MYO1B: variants seen among roughly 807,000 people sequenced by gnomAD.
MYO1B encodes the protein unconventional myosin-Ib.
In MYO1B, 72 loss-of-function variants were observed where a neutral mutation model predicts 159.7. The observed-to-expected ratio is 0.45, with a 90% CI of 0.37 to 0.55. The LOEUF (loss-of-function observed/expected upper bound fraction) is 0.55. MYO1B is among the 20% of genes least tolerant of loss of function. The pLI is 0.00. For missense variants in MYO1B, 1,062 were observed against 1,364.8 expected, an observed-to-expected ratio of 0.78 and a Z score of 3.50; for synonymous variants, 468 against 473.8, an observed-to-expected ratio of 0.99 and a Z score of 0.16.
At chr2:191,333,208 G>A (rs1691605387) in intron 4 of MYO1B, among the ~76,000 whole-genome samples, 1 of 151,978 alleles carries the variant, frequency 6.6e-6, no homozygotes, top group Non-Finnish European at 1.5e-5. Context: ...TTCCAGTAAC[G>A]TTAATGTGTT....
chr2:191,344,430 C>T (rs1382743122), intron 5 of MYO1B, among the ~76,000 whole-genome samples: 1 of 152,184 alleles, frequency 6.6e-6, no homozygotes, highest in African/African-American at 2.4e-5. Context: ...TGCCAGGGAC[C>T]TACCAAACCA....
At chr2:191,292,085 C>T (rs147022338) in intron 2 of MYO1B, among the ~76,000 whole-genome samples, 1 of 152,250 alleles carries the variant, frequency 6.6e-6, no homozygotes, top group Non-Finnish European at 1.5e-5. Context: ...TAGGATGAAC[C>T]TGTTAGGAGT....
chr2:191,313,309 C>T (rs1358964617), intron 3 of MYO1B, among the ~76,000 whole-genome samples: 1 of 143,778 alleles, frequency 7.0e-6, no homozygotes, highest in Non-Finnish European at 1.5e-5. Context: ...CTCCCGGGTT[C>T]CAGGAATTCT....
rs774278583 is a variant in MYO1B at position 191,341,584 on chromosome 2, A to G, written c.451+19A>G. On this transcript the variant is annotated intron_variant, in intron 5 of 30. Transcript: ENST00000392318. ...CTGGAAGGTAGGATGTGTTATGTTCATTAAGTCGGTGTGACTCAAACAGTA... is the reference window on the plus strand; with the variant it reads ...CTGGAAGGTAGGATGTGTTATGTTCGTTAAGTCGGTGTGACTCAAACAGTA... The G allele has an allele frequency of 1.9e-6, 3 of 1,595,056 alleles. No homozygotes were observed. Among genetic ancestry groups the G allele is most frequent in the Non-Finnish European group, 1.7e-6 (2 of 1,163,586 alleles).
chr2:191,336,218 T>A (rs1228722618), intron 4 of MYO1B, among the ~76,000 whole-genome samples: 1 of 152,238 alleles, frequency 6.6e-6, no homozygotes, highest in African/African-American at 2.4e-5. Context: ...TCTTCAGCCA[T>A]CTGCTAGAAG....
chr2:191,317,638 C>T (rs1178513515), intron 3 of MYO1B, among the ~76,000 whole-genome samples: 1 of 152,126 alleles, frequency 6.6e-6, no homozygotes, highest in Non-Finnish European at 1.5e-5. Flanking sequence ...TTCCCTCCAC[C>T]CCACATTTTG....
intron 25 of MYO1B, 58 bp downstream of exon 25, chr2:191,408,247 T>C (rs989366517): frequency 8.2e-7 from 1 of 1,222,988 alleles, no homozygotes; most frequent in South Asian, 1.3e-5. Flanking sequence ...CCACCTAATA[T>C]CACCAACTCC....
intron 3 of MYO1B, among the ~76,000 whole-genome samples, chr2:191,302,887 G>A (rs960058150): frequency 6.6e-6 from 1 of 152,206 alleles, no homozygotes; most frequent in African/African-American, 2.4e-5. Context: ...TAGTGCTAAT[G>A]TCAGTTGTCC....
At chr2:191,293,515 G>T (rs188766873) in intron 2 of MYO1B, among the ~76,000 whole-genome samples, 1 of 152,242 alleles carries the variant, frequency 6.6e-6, no homozygotes, top group Admixed American at 6.5e-5. Flanking sequence ...CCATTTTTAT[G>T]GTTATTTCTT....
chr2:191,304,308 C>T (rs1268529619), intron 3 of MYO1B, among the ~76,000 whole-genome samples: 2 of 152,204 alleles, frequency 1.3e-5, no homozygotes, highest in East Asian at 1.9e-4. Context: ...CGTTGGCTCA[C>T]GCCTGTAATC....
Position 191,391,993 on chromosome 2 carries a change from A to T in MYO1B, c.1983-115A>T, listed in dbSNP as rs1026005337. 3 of 625,640 alleles carry T rather than the reference A, an allele frequency of 4.8e-6. No individual in the cohort carries two copies. The South Asian group carries it at 1.1e-4, about 23-fold the overall frequency. The allele number at this position is 625,640 out of a possible 1,614,324, so 38.8% of individuals were successfully genotyped here. ...TAAATGGATGATTGCTGAAAGAGCA[A>T]TTACACTTGGAAATGAAGCTATGTT... On this transcript the variant is annotated intron_variant, in intron 18 of 30. Transcript: ENST00000392318.
At chr2:191,277,331 G>A (rs113485007) in intron 2 of MYO1B, among the ~76,000 whole-genome samples, 2 of 152,266 alleles carry the variant, frequency 1.3e-5, no homozygotes, top group African/African-American at 4.8e-5. Context: ...GAAATCCATA[G>A]GCATCTTCTT....
intron 30 of MYO1B, among the ~76,000 whole-genome samples, chr2:191,419,364 G>A (rs541679374): frequency 1.8e-3 from 279 of 151,908 alleles, no homozygotes; most frequent in African/African-American, 5.5e-3. Context: ...GACTACAGCT[G>A]CCCGCCACCA....
At chr2:191,386,904 AAAAT>A (rs1367384428) in intron 16 of MYO1B, among the ~76,000 whole-genome samples, 1 of 152,248 alleles carries the variant, frequency 6.6e-6, no homozygotes, top group Non-Finnish European at 1.5e-5. Flanking sequence ...TGAGAACTAA[AAAAT>A]AAAAGTAAAA....
intron 5 of MYO1B, among the ~76,000 whole-genome samples, chr2:191,345,143 C>T (rs980525603): frequency 2.6e-5 from 4 of 152,144 alleles, no homozygotes; most frequent in African/African-American, 9.7e-5. Context: ...TTCTAGCTGC[C>T]GTGTGGCCCC....
intron 13 of MYO1B, among the ~76,000 whole-genome samples, chr2:191,378,850 T>G (rs1694873938): frequency 6.6e-6 from 1 of 151,730 alleles, no homozygotes; most frequent in Admixed American, 6.6e-5. Context: ...GGATAAGGGG[T>G]GATATTGTGG....
chr2:191,416,176 C>T lies in MYO1B; in HGVS notation c.3221C>T (p.Ala1074Val). The change falls in exon 30 of 31, where the codon GCC becomes GTC. Residue 1074 changes from alanine (A) to valine (V), a missense_variant. Physicochemically the swap from Ala to Val is moderately conservative, Grantham distance 64. This residue lies in a region of MYO1B where 609 missense variants were observed against 744.4 expected (regional missense o/e 0.82). Transcript: ENST00000392318. ...AGCAGTGATCACCTGATTGAAATGG[C>T]CACCAAGCTCTATCGCACAACTCTC... ...LFSSDHLIEM[A>V]TKLYRTTLSQ... The T allele has an allele frequency of 6.2e-7, 1 of 1,614,038 alleles. No individual in the cohort carries two copies. Among genetic ancestry groups the T allele is most frequent in the Non-Finnish European group, 8.5e-7 (1 of 1,179,962 alleles).
Position 191,370,220 on chromosome 2 carries a change from T to C in MYO1B, c.1120-7T>C. On this transcript the variant is annotated splice_region_variant and splice_polypyrimidine_tract_variant and intron_variant, in intron 12 of 30. Transcript: ENST00000392318. Reference sequence around the variant, plus strand: ...TAATTAACCCTTTAATTTGAAACTTTTTAAAGGCACAAACAAAAGTGAGAA... The same window carrying C: ...TAATTAACCCTTTAATTTGAAACTTCTTAAAGGCACAAACAAAAGTGAGAA... The C allele has an allele frequency of 6.2e-7, 1 of 1,611,182 alleles. No homozygotes were observed. Among genetic ancestry groups the C allele is most frequent in the Non-Finnish European group, 8.5e-7 (1 of 1,178,060 alleles).
chr2:191,264,220 T>C (rs1559125124), intron 1 of MYO1B, among the ~76,000 whole-genome samples: 1 of 152,250 alleles, frequency 6.6e-6, no homozygotes, highest in Non-Finnish European at 1.5e-5. Context: ...TGGAACATCT[T>C]AGCTATTTTT....
Sources: gnomAD v4.1 joint callset for allele counts (sites outside exome capture counted in the v4.1 genomes callset) on GRCh38, gnomAD v4.1.1 for gene constraint, gnomAD v4.1.1 regional missense constraint, MANE v1.5 for transcripts, NCBI Gene and HGNC (gene_info 2026-07-23, HGNC 2026-07-21) for gene names.